The following MYO1H variants were observed in gnomAD, a reference collection of about 807,000 sequenced individuals.
The protein encoded by MYO1H is unconventional myosin-Ih.
Under a neutral mutation model 149.3 loss-of-function variants are expected in MYO1H, and 118 were observed. The ratio of observed to expected loss-of-function variants is 0.79; its 90% CI spans 0.68 to 0.92. The LOEUF is 0.92. MYO1H is among the 40% of genes least tolerant of loss of function. The pLI is 0.00. For synonymous variants in MYO1H, 447 were observed against 465.2 expected (o/e 0.96, Z 0.50); for missense variants, 1,212 against 1,280.7 (o/e 0.95, Z 0.82).
intron 28 of MYO1H, among the ~76,000 whole-genome samples, 190 bp downstream of exon 28, chr12:109,443,839 G>C (rs1872357058): frequency 6.6e-6 from 1 of 151,792 alleles, no homozygotes; most frequent in Non-Finnish European, 1.5e-5. Flanking sequence ...GGAATTCGAA[G>C]CTGCAGTGAG....
the MYO1H span, among the ~76,000 whole-genome samples, chr12:109,311,390 A>G: frequency 1.3e-5 from 2 of 152,234 alleles, no homozygotes; most frequent in African/African-American, 4.8e-5. Flanking sequence ...TATTGCCACT[A>G]AAACACCTAC....
chr12:109,342,154 T>C, the MYO1H span, among the ~76,000 whole-genome samples: 1 of 139,788 alleles, frequency 7.2e-6, no homozygotes, highest in Non-Finnish European at 1.5e-5. Context: ...AGACAGAGTC[T>C]CAAAAAATCT....
chr12:109,320,623 CAA>C, the MYO1H span, among the ~76,000 whole-genome samples: 1,370 of 92,684 alleles, frequency 0.015, 8 homozygotes, highest in South Asian at 0.016. Flanking sequence ...GAATCTGTCT[CAA>C]AAAAAAAAAA....
rs1479738933 is a variant in MYO1H at position 109,443,110 on chromosome 12, G to GTGTGTATATATGTGTACGTATA, written c.2689-395_2689-394insATGTGTACGTATATGTGTATAT. The stretch of plus-strand genomic sequence containing the variant: ...TGTGTGTATATATGTGTACGTATAT[G>GTGTGTATATATGTGTACGTATA]TGTGTATATGTGTACGTATATATGT... On this transcript the variant is annotated intron_variant, in intron 27 of 31. Transcript: ENST00000310903. Among the ~76,000 whole-genome samples, 19 of 124,084 alleles carry GTGTGTATATATGTGTACGTATA rather than the reference G, an allele frequency of 1.5e-4. 6 individuals carry two copies. Among genetic ancestry groups the GTGTGTATATATGTGTACGTATA allele is most frequent in the East Asian group, 9.7e-4 (4 of 4,138 alleles). The allele number at this position is 124,084 out of a possible 152,430, so 81.4% of individuals were successfully genotyped here. A position where few individuals can be genotyped will look rare whatever the true frequency, so the allele number is the denominator to read the frequency against.
chr12:109,327,128 C>CTTT, the MYO1H span, among the ~76,000 whole-genome samples: 2 of 103,692 alleles, frequency 1.9e-5, no homozygotes, highest in African/African-American at 8.4e-5. Context: ...TTTTCTTTTT[C>CTTT]TTTTTCTTTT....
chr12:109,406,739 C>T, intron 8 of MYO1H, 50 bp from the exon 9 acceptor site: 1 of 1,551,484 alleles, frequency 6.4e-7, no homozygotes, highest in South Asian at 1.1e-5. Flanking sequence ...TAATAAAAAG[C>T]AAGTAAAACT....
chr12:109,375,805 C>T (rs928749389), intron 1 of MYO1H, among the ~76,000 whole-genome samples: 6 of 152,048 alleles, frequency 3.9e-5, no homozygotes, highest in African/African-American at 1.4e-4. Flanking sequence ...TGGCAAAACC[C>T]TTTCTCTATA....
chr12:109,430,943 A>ATT (rs61356178), intron 19 of MYO1H, among the ~76,000 whole-genome samples: 4 of 150,208 alleles, frequency 2.7e-5, no homozygotes, highest in East Asian at 2.0e-4. Context: ...ATATACATGT[A>ATT]TTTTTTTTAA....
At chr12:109,353,606 C>A (rs141110205) in intron 1 of MYO1H, among the ~76,000 whole-genome samples, 1 of 151,744 alleles carries the variant, frequency 6.6e-6, no homozygotes, top group African/African-American at 2.4e-5. Context: ...AAATGTTATC[C>A]GAGTATTATT....
chr12:109,322,842 A>T, the MYO1H span, among the ~76,000 whole-genome samples: 3 of 135,660 alleles, frequency 2.2e-5, no homozygotes, highest in East Asian at 4.3e-4. Flanking sequence ...AAAAAAAAAA[A>T]TCACCCCTGT....
intron 11 of MYO1H, 110 bp downstream of exon 11, chr12:109,409,734 G>T (rs957803715): frequency 1.0e-6 from 1 of 974,920 alleles, no homozygotes. Context: ...TCCCCAGAAA[G>T]TCTCTAGATT....
intron 22 of MYO1H, among the ~76,000 whole-genome samples, chr12:109,437,475 G>T (rs959451457): frequency 6.6e-6 from 1 of 152,190 alleles, no homozygotes; most frequent in Admixed American, 6.5e-5. Flanking sequence ...CACTATAGCA[G>T]CAGAGGTCAG....
intron 20 of MYO1H, among the ~76,000 whole-genome samples, chr12:109,433,697 T>G (rs1871736455): frequency 1.3e-5 from 2 of 152,354 alleles, no homozygotes; most frequent in Admixed American, 1.3e-4. Context: ...CTGGGCCGCC[T>G]TGGCCTCTCT....
intron 5 of MYO1H, among the ~76,000 whole-genome samples, chr12:109,399,683 G>A (rs1870079945): frequency 6.6e-6 from 1 of 151,870 alleles, no homozygotes; most frequent in African/African-American, 2.4e-5. Context: ...AGGTCGAGGT[G>A]AGAGGATTGC....
At chr12:109,435,637 G>A (rs1018344773) in intron 21 of MYO1H, among the ~76,000 whole-genome samples, 1 of 152,216 alleles carries the variant, frequency 6.6e-6, no homozygotes, top group African/African-American at 2.4e-5. Flanking sequence ...TGTGCGCCAG[G>A]TGAACACTAA....
exon 21 of MYO1H, chr12:109,435,103 ACAT>A (rs1275494166): frequency 6.2e-7 from 1 of 1,600,728 alleles, no homozygotes; most frequent in Non-Finnish European, 8.5e-7. Context: ...AATTTAGTAA[ACAT>A]CAACTAGGTA....
intron 8 of MYO1H, among the ~76,000 whole-genome samples, chr12:109,406,298 C>T (rs1046921964): frequency 1.3e-5 from 2 of 151,782 alleles, no homozygotes; most frequent in Non-Finnish European, 1.5e-5. Context: ...ACTCTATGAA[C>T]TCTTTATAAG....
At chr12:109,409,754 T>C in intron 11 of MYO1H, 130 bp downstream of exon 11, 1 of 850,878 alleles carries the variant, frequency 1.2e-6, no homozygotes, top group South Asian at 1.5e-5. Flanking sequence ...TTACATAGTT[T>C]CTAACTCACA....
At chr12:109,311,550 T>C in the MYO1H span, among the ~76,000 whole-genome samples, 4 of 152,260 alleles carry the variant, frequency 2.6e-5, no homozygotes, top group African/African-American at 7.2e-5. Flanking sequence ...CTTAGGAATC[T>C]TTATTTTTTA....
Sources: allele counts gnomAD v4.1 joint callset (sites outside exome capture counted in the v4.1 genomes callset), GRCh38; gene constraint gnomAD v4.1.1; transcripts MANE v1.5; gene names NCBI Gene and HGNC (gene_info 2026-07-23, HGNC 2026-07-21).